Variants in PCDH15 observed in about 807,000 individuals in gnomAD.
The protein encoded by PCDH15 is protocadherin related 15, also known as protocadherin-15.
A neutral mutation model predicts 178.5 loss-of-function variants in PCDH15; 129 were observed. The ratio of observed to expected loss-of-function variants is 0.72; its 90% confidence interval spans 0.63 to 0.84. The LOEUF is 0.84. Ranked by LOEUF, PCDH15 falls within the 40% of genes least tolerant of loss-of-function variation. The pLI is 0.00. For missense variants in PCDH15, 2,230 were observed against 2,099.9 expected (o/e 1.06, Z -1.21); for synonymous variants, 800 against 732.0 (o/e 1.09, Z -1.50).
intron 14 of PCDH15, among the ~76,000 whole-genome samples, chr10:54,146,633 T>G (rs940438271): frequency 1.3e-5 from 2 of 151,686 alleles, no homozygotes; most frequent in African/African-American, 4.8e-5. Flanking sequence ...CTATTCCTTC[T>G]CTCACTCTCT....
intron 1 of PCDH15, among the ~76,000 whole-genome samples, chr10:55,288,955 G>T (rs550322412): frequency 1.3e-5 from 2 of 151,606 alleles, no homozygotes; most frequent in Non-Finnish European, 2.9e-5. Flanking sequence ...CCACCAAATT[G>T]TTTCCCATAT....
chr10:54,138,531 T>C (rs1263413304), intron 14 of PCDH15, among the ~76,000 whole-genome samples: 2 of 152,196 alleles, frequency 1.3e-5, no homozygotes, highest in Non-Finnish European at 2.9e-5. Flanking sequence ...TCCAATATTC[T>C]TTGGAATCTG....
intron 2 of PCDH15, among the ~76,000 whole-genome samples, chr10:55,094,127 G>C (rs188854324): frequency 2.0e-5 from 3 of 152,050 alleles, no homozygotes; most frequent in African/African-American, 2.4e-5. Flanking sequence ...CAATAGCAAA[G>C]ACTTGGAACC....
chr10:54,455,550 T>C (rs1276219987), intron 3 of PCDH15, among the ~76,000 whole-genome samples: 1 of 152,084 alleles, frequency 6.6e-6, no homozygotes, highest in Non-Finnish European at 1.5e-5. Context: ...AACTTTGAAC[T>C]TGAGAGAGAT....
intron 2 of PCDH15, among the ~76,000 whole-genome samples, chr10:55,560,354 C>A (rs1305906988): frequency 6.6e-6 from 1 of 151,800 alleles, no homozygotes; most frequent in African/African-American, 2.4e-5. Context: ...TTATCACACC[C>A]AATAACATCC....
At chr10:54,003,555 C>G (rs2092263099) in intron 20 of PCDH15, among the ~76,000 whole-genome samples, 2 of 151,670 alleles carry the variant, frequency 1.3e-5, no homozygotes, top group Non-Finnish European at 2.9e-5. Flanking sequence ...CAAGATTGAA[C>G]TATGAAGAAA....
intron 25 of PCDH15, among the ~76,000 whole-genome samples, chr10:53,918,108 A>G (rs547460854): frequency 3.2e-4 from 48 of 152,290 alleles, no homozygotes; most frequent in African/African-American, 1.0e-3. Flanking sequence ...CCTTTGTAGC[A>G]ATGCAAGAAT....
At chr10:53,974,651 C>G (rs1232277331) in intron 21 of PCDH15, among the ~76,000 whole-genome samples, 1 of 152,128 alleles carries the variant, frequency 6.6e-6, no homozygotes, top group Non-Finnish European at 1.5e-5. Flanking sequence ...TATAGAATAT[C>G]ATATTCCACA....
intron 1 of PCDH15, among the ~76,000 whole-genome samples, chr10:54,779,488 G>GTATATACACACATATATGTGTGTA (rs1950113142): frequency 1.9e-5 from 1 of 53,288 alleles, no homozygotes; most frequent in Non-Finnish European, 3.2e-5. Flanking sequence ...ACATATATAT[G>GTATATACACACATATATGTGTGTA]TATATATATA....
rs559167940 is a variant in PCDH15 at position 54,178,010 on chromosome 10, G to A, written c.1590+5434C>T. On this transcript the variant is annotated intron_variant, in intron 13 of 37. Coordinates refer to ENST00000644397, the MANE Select transcript of PCDH15 (RefSeq NM_001384140.1). ...ATAGAGGTGATGATTGAAAACTTGA[G>A]AACAGATGAAAAAGAGAAGAAGTAT... 5.3e-5 allele frequency among the ~76,000 whole-genome samples: 8 copies of A among 152,014 alleles called. No homozygotes were observed. In the South Asian group the frequency reaches 1.7e-3, roughly 32 times the overall value.
At chr10:54,435,145 T>C (rs2075299165) in intron 3 of PCDH15, among the ~76,000 whole-genome samples, 1 of 152,224 alleles carries the variant, frequency 6.6e-6, no homozygotes, top group African/African-American at 2.4e-5. Context: ...TGAGTAGTTA[T>C]GTGATTTCCT....
At position 53,940,966 on chromosome 10, in the gene PCDH15, T is replaced by A; in HGVS notation, c.3132A>T (p.Pro1044=). The A allele has an allele frequency of 6.2e-7, 1 of 1,609,284 alleles. No individual in the cohort carries two copies. Among genetic ancestry groups the A allele is most frequent in the African/African-American group, 1.3e-5 (1 of 74,932 alleles). The change falls in exon 24 of 38, where the codon CCA becomes CCT. Residue 1044 remains proline, a synonymous_variant. Coordinates refer to ENST00000644397, the MANE Select transcript of PCDH15 (RefSeq NM_001384140.1). ...RFTQEEYRPP[P]VSELATKGTM... ...TCCCTTTGGTGGCAAGTTCACTTAC[T>A]GGAGGAGGTCTGCAGGTTTAGAGAA...
rs373601726 is a variant in PCDH15, at chr10:55,204,345, C to T, written c.-155-37694G>A. Among the ~76,000 whole-genome samples, 86 of 150,744 alleles carry T rather than the reference C, an allele frequency of 5.7e-4. No homozygotes were observed. The East Asian group carries it at 0.013, about 23-fold the overall frequency. On this transcript the variant is annotated intron_variant, in intron 1 of 5. Coordinates refer to the PCDH15 transcript ENST00000458638. ...AAATATACACATTTGTTTACATATA[C>T]ACACATGTATATATATACATATGTA...
intron 2 of PCDH15, among the ~76,000 whole-genome samples, chr10:54,965,758 C>A (rs1437723809): frequency 6.6e-6 from 1 of 150,658 alleles, no homozygotes; most frequent in Non-Finnish European, 1.5e-5. Context: ...TTAAAAACAA[C>A]CTTTTCTGTG....
At chr10:55,314,484 G>T (rs1200967957) in intron 1 of PCDH15, among the ~76,000 whole-genome samples, 3 of 151,642 alleles carry the variant, frequency 2.0e-5, no homozygotes, top group Non-Finnish European at 4.4e-5. Context: ...TTCATTCTTG[G>T]GTTAACAGAG....
chr10:54,020,762 TA>T (rs59264647), intron 19 of PCDH15, among the ~76,000 whole-genome samples: 2 of 151,662 alleles, frequency 1.3e-5, no homozygotes, highest in East Asian at 1.9e-4. Context: ...TATATCACAG[TA>T]AAAAAATAAA....
intron 20 of PCDH15, among the ~76,000 whole-genome samples, chr10:54,006,882 C>T (rs1233749799): frequency 6.6e-6 from 1 of 152,052 alleles, no homozygotes; most frequent in East Asian, 1.9e-4. Flanking sequence ...CTGCCTACTC[C>T]CACACCTGCA....
At position 55,272,974 on chromosome 10, in the gene PCDH15, T is replaced by C. The variant is rs1447030162; in HGVS notation, c.-156+46625A>G. ...AAGCGATGTGCTGTGTGTCTCTGTC[T>C]CCCCTATGAGACTATGAAACTGTGA... On this transcript the variant is annotated intron_variant, in intron 1 of 5. Coordinates refer to the PCDH15 transcript ENST00000458638. 6.6e-5 allele frequency among the ~76,000 whole-genome samples: 10 copies of C among 152,010 alleles called. No individual in the cohort carries two copies. The East Asian group carries it at 1.9e-3, about 29-fold the overall frequency.
At chr10:55,627,150 G>A (rs1354527263) in intron 2 of PCDH15, among the ~76,000 whole-genome samples, 7 of 96,194 alleles carry the variant, frequency 7.3e-5, no homozygotes, top group African/African-American at 2.9e-4. Flanking sequence ...CCCCCTCCCC[G>A]TTTACATATA....
Sources: gnomAD v4.1 joint callset for allele counts (sites outside exome capture counted in the v4.1 genomes callset) on GRCh38, gnomAD v4.1.1 for gene constraint, MANE v1.5 for transcripts, NCBI Gene and HGNC (gene_info 2026-07-23, HGNC 2026-07-21) for gene names.